The following ZNF521 variants were observed in gnomAD, a reference collection of about 807,000 sequenced individuals.
ZNF521 encodes the protein zinc finger protein 521, also known as LYST-interacting protein 3.
Under a neutral mutation model 105.5 loss-of-function variants are expected in ZNF521, and 14 were observed. The observed-to-expected ratio is 0.13, with a 90% CI of 0.09 to 0.21. The LOEUF is 0.21. Among genes scored for constraint, ZNF521 ranks in the 10% least tolerant of loss-of-function variants. ZNF521 has a pLI of 1.00. For synonymous variants in ZNF521, 635 were observed against 606.0 expected, an observed-to-expected ratio of 1.05 and a Z score of -0.70; for missense variants, 1,233 against 1,629.7, an observed-to-expected ratio of 0.76 and a Z score of 4.19.
At chr18:25,322,324 T>C (rs1043119761) in intron 2 of ZNF521, 137 bp from the exon 3 acceptor site, 1 of 864,304 alleles carries the variant, frequency 1.2e-6, no homozygotes, top group African/African-American at 1.6e-5. Flanking sequence ...CAGATTTTAT[T>C]ACAGGAGAAT....
chr18:25,248,633 T>G (rs1907898821), intron 3 of ZNF521, among the ~76,000 whole-genome samples: 3 of 152,240 alleles, frequency 2.0e-5, no homozygotes, highest in Admixed American at 2.0e-4. Flanking sequence ...TTTATCTAGA[T>G]AAAGAACCTT....
intron 7 of ZNF521, among the ~76,000 whole-genome samples, chr18:25,065,135 A>G (rs1194664056): frequency 6.6e-6 from 1 of 152,242 alleles, no homozygotes; most frequent in African/African-American, 2.4e-5. Context: ...GCCTTCTTAT[A>G]CCTTTTGCTA....
At chr18:25,131,073 G>A (rs969253572) in intron 5 of ZNF521, among the ~76,000 whole-genome samples, 1 of 151,990 alleles carries the variant, frequency 6.6e-6, no homozygotes, top group African/African-American at 2.4e-5. Context: ...AGAAAAGTTT[G>A]GTAGCAGCCA....
At chr18:25,150,130 T>C (rs7234850) in intron 5 of ZNF521, among the ~76,000 whole-genome samples, 144,544 of 152,268 alleles carry the variant, frequency 0.95, 68,733 homozygotes, top group Middle Eastern at 0.99. Flanking sequence ...TCACAGCAAC[T>C]TGGATGGAAC....
Position 25,227,140 on chromosome 18 carries a change from C to T in ZNF521, c.778G>A (p.Asp260Asn). Residue 260 changes from aspartate to asparagine, a missense_variant, in exon 4 of 8, where the codon GAC becomes AAC. Coordinates refer to ENST00000361524, the MANE Select transcript of ZNF521 (RefSeq NM_015461.3). The surrounding 1 kb of genome is among the most constrained non-coding windows in gnomAD (Gnocchi z 5.7). The stretch of plus-strand genomic sequence containing the variant: ...CACTCTGCAATGTGTTTTTGGAGGT[C>T]TTCCGGGAAGTCAAAGCCTTCCTCA... ...QCEEGFDFPE[D>N]LQKHIAECHP... 1 of 1,614,128 alleles carries T rather than the reference C, an allele frequency of 6.2e-7. No homozygotes were observed. Among genetic ancestry groups the T allele is most frequent in the Non-Finnish European group, 8.5e-7 (1 of 1,180,004 alleles).
intron 7 of ZNF521, chr18:25,082,657 G>A (rs1490100007): frequency 2.4e-6 from 1 of 416,472 alleles, no homozygotes; most frequent in African/African-American, 2.1e-5. Context: ...GCAACATGGT[G>A]AAACCCCATC....
At chr18:25,283,982 C>G (rs1910540706) in intron 3 of ZNF521, among the ~76,000 whole-genome samples, 1 of 142,568 alleles carries the variant, frequency 7.0e-6, no homozygotes, top group African/African-American at 2.5e-5. Flanking sequence ...CACTAGACGG[C>G]TGAGTTCTGT....
intron 4 of ZNF521, among the ~76,000 whole-genome samples, chr18:25,199,225 T>C (rs578114172): frequency 2.1e-5 from 3 of 144,594 alleles, no homozygotes; most frequent in African/African-American, 7.6e-5. Context: ...GGAACAACTA[T>C]TACTATGAGG....
At chr18:25,089,336 C>T (rs913354263) in intron 7 of ZNF521, 129 bp downstream of exon 7, 19 of 690,926 alleles carry the variant, frequency 2.7e-5, no homozygotes, top group Non-Finnish European at 4.6e-5. Context: ...TTTCCCTTTG[C>T]CCCCAATACA....
At chr18:25,239,857 A>G (rs73393189) in intron 3 of ZNF521, among the ~76,000 whole-genome samples, 1,645 of 152,258 alleles carry the variant, frequency 0.011, 31 homozygotes, top group African/African-American at 0.038. Flanking sequence ...AAGGTCTTCC[A>G]AGTAGCTCAA....
intron 5 of ZNF521, among the ~76,000 whole-genome samples, chr18:25,109,989 AT>A (rs1475426495): frequency 6.6e-6 from 1 of 152,176 alleles, no homozygotes; most frequent in Non-Finnish European, 1.5e-5. Flanking sequence ...AATCTTTATA[AT>A]TCTTATATTG....
intron 5 of ZNF521, among the ~76,000 whole-genome samples, chr18:25,173,261 G>A (rs1353344429): frequency 6.6e-6 from 1 of 152,136 alleles, no homozygotes; most frequent in Admixed American, 6.5e-5. Context: ...GGTTAATCAG[G>A]GGATAGGTGC....
chr18:25,299,003 AGT>A, intron 3 of ZNF521, among the ~76,000 whole-genome samples: 1 of 152,324 alleles, frequency 6.6e-6, no homozygotes, highest in Non-Finnish European at 1.5e-5. Context: ...TCCTGGGCGC[AGT>A]AGCAGCAAAA....
intron 5 of ZNF521, among the ~76,000 whole-genome samples, chr18:25,174,507 G>C (rs142970764): frequency 6.6e-6 from 1 of 152,212 alleles, no homozygotes; most frequent in Non-Finnish European, 1.5e-5. Flanking sequence ...GGGGGAGACA[G>C]CGAGTGTTTG....
chr18:25,191,556 C>T (rs2035818887), intron 5 of ZNF521, among the ~76,000 whole-genome samples: 1 of 152,126 alleles, frequency 6.6e-6, no homozygotes, highest in South Asian at 2.1e-4. Context: ...AGTTGCAATG[C>T]CAACCTCCAT....
intron 7 of ZNF521, among the ~76,000 whole-genome samples, chr18:25,071,215 G>A (rs1196637247): frequency 3.9e-5 from 6 of 152,090 alleles, no homozygotes; most frequent in South Asian, 2.1e-4. Context: ...AATATATACC[G>A]TACTGCAGTA....
chr18:25,226,489 A>G lies in ZNF521; in HGVS notation c.1429T>C (p.Tyr477His), dbSNP rs1343601259. 6.2e-7 allele frequency: 1 copy of G among 1,614,066 alleles called. No individual in the cohort carries two copies. Among genetic ancestry groups the G allele is most frequent in the Non-Finnish European group, 8.5e-7 (1 of 1,180,034 alleles). ...LIVSAMPAIVYQCNFCSEVVN... is the reference protein window; with the variant it reads ...LIVSAMPAIVHQCNFCSEVVN... ...ACTTCGGAACAGAAGTTACACTGGTAGACAATGGCAGGCATGGCAGAAACA... is the reference window on the plus strand; with the variant it reads ...ACTTCGGAACAGAAGTTACACTGGTGGACAATGGCAGGCATGGCAGAAACA... Residue 477 changes from tyrosine (Y) to histidine (H), a missense_variant, in exon 4 of 8, where the codon TAC becomes CAC. Tyr to His is a moderately conservative substitution (Grantham distance 83). Coordinates refer to ENST00000361524, the MANE Select transcript of ZNF521 (RefSeq NM_015461.3). The surrounding 1 kb of genome is among the most constrained non-coding windows in gnomAD (Gnocchi z 4.1).
rs10540123 is a variant in ZNF521 at position 25,062,752 on chromosome 18, C to CAAAAAAA, written c.3907-18_3907-12dup. The CAAAAAAA allele has an allele frequency of 5.6e-3, 2,047 of 365,020 alleles. 93 individuals are homozygous for CAAAAAAA. Among genetic ancestry groups the CAAAAAAA allele is most frequent in the South Asian group, 8.2e-3 (247 of 30,052 alleles). The allele number at this position is 365,020 out of a possible 1,614,324, so 22.6% of individuals were successfully genotyped here. ...GGTCATTGTATGATTCTGTAAATAACAAAAAAAAAAAAAAAAAAAAAAAAA... is the reference window on the plus strand; with the variant it reads ...GGTCATTGTATGATTCTGTAAATAACAAAAAAAAAAAAAAAAAAAAAAAAAAAAAAAA... On this transcript the variant is annotated splice_polypyrimidine_tract_variant and intron_variant, in intron 7 of 7. Coordinates refer to ENST00000361524, the MANE Select transcript of ZNF521 (RefSeq NM_015461.3).
At chr18:25,202,354 G>A (rs1045837733) in intron 4 of ZNF521, 4 of 151,974 alleles carry the variant, frequency 2.6e-5, no homozygotes, top group African/African-American at 9.7e-5. Flanking sequence ...TTTACATAGC[G>A]CTTATATTAT....
Sources: gnomAD v4.1 joint callset for allele counts (sites outside exome capture counted in the v4.1 genomes callset) on GRCh38, gnomAD v4.1.1 for gene constraint, Gnocchi (gnomAD v3.1) non-coding constraint, MANE v1.5 for transcripts, NCBI Gene and HGNC (gene_info 2026-07-23, HGNC 2026-07-21) for gene names.